ZNF488: variants seen among roughly 807,000 people sequenced by gnomAD.
ZNF488 encodes zinc finger protein 488.
ZNF488 carries 1 observed loss-of-function variant against 1.2 expected under a neutral mutation model. The ratio of observed to expected loss-of-function variants is 0.86; its 90% CI spans 0.30 to 4.07. The LOEUF is 4.07. Among genes scored for constraint, ZNF488 ranks in the 30% most tolerant of loss-of-function variants. The pLI is 0.18. For missense variants in ZNF488, 450 were observed against 437.9 expected, an observed-to-expected ratio of 1.03 and a Z score of -0.25; for synonymous variants, 185 against 190.1, an observed-to-expected ratio of 0.97 and a Z score of 0.22.
chr10:47,370,945 C>T (rs953799983), intron 1 of ZNF488, among the ~76,000 whole-genome samples: 3 of 152,196 alleles, frequency 2.0e-5, no homozygotes, highest in African/African-American at 4.8e-5. Context: ...ATGCAGCATG[C>T]GGGCCCTGTG....
At chr10:47,374,213 C>A (rs1315622900) in intron 1 of ZNF488, among the ~76,000 whole-genome samples, 2 of 152,300 alleles carry the variant, frequency 1.3e-5, no homozygotes, top group East Asian at 1.9e-4. Context: ...CGAGTGACAT[C>A]TTTATGTGGC....
intron 1 of ZNF488, among the ~76,000 whole-genome samples, chr10:47,380,566 C>T (rs183740885): frequency 1.3e-3 from 193 of 152,290 alleles, no homozygotes; most frequent in Non-Finnish European, 6.8e-4. Context: ...GATGAAGCCT[C>T]GCCCACCCCA....
At chr10:47,370,295 A>C (rs1248272837) in intron 1 of ZNF488, among the ~76,000 whole-genome samples, 3 of 152,236 alleles carry the variant, frequency 2.0e-5, no homozygotes, top group Admixed American at 2.0e-4. Context: ...TTGCTTTCCA[A>C]CTCTGATGTA....
chr10:47,374,630 TC>T (rs1837607452), intron 1 of ZNF488, among the ~76,000 whole-genome samples: 1 of 152,118 alleles, frequency 6.6e-6, no homozygotes, highest in Admixed American at 6.5e-5. Context: ...TTGGGAGCTC[TC>T]CAAGGGTCAG....
At chr10:47,380,752 C>T (rs1053093454) in intron 1 of ZNF488, among the ~76,000 whole-genome samples, 9 of 17,364 alleles carry the variant, frequency 5.2e-4, no homozygotes, top group Admixed American at 2.0e-3. Context: ...ACGGGCTCCA[C>T]GGTTGGAGGC....
rs782540204 is a variant in ZNF488, at chr10:47,367,858, C to G, written c.972G>C (p.Glu324Asp). 6.2e-7 allele frequency: 1 copy of G among 1,613,766 alleles called. No individual in the cohort carries two copies. Among genetic ancestry groups the G allele is most frequent in the Non-Finnish European group, 8.5e-7 (1 of 1,180,010 alleles). The change falls in exon 2 of 2, where the codon GAG (glutamate) becomes GAC (aspartate). Residue 324 changes from glutamate to aspartate, a missense_variant. Physicochemically the swap from Glu to Asp is conservative, Grantham distance 45. Transcript: ENST00000585316. ...EEALACPVCQ[E>D]HFRERHHLSR... Reference sequence around the variant, plus strand: ...AGAGGTGGTGGCGCTCCCGGAAGTGCTCCTGGCACACAGGGCAGGCAAGGG... The same window carrying G: ...AGAGGTGGTGGCGCTCCCGGAAGTGGTCCTGGCACACAGGGCAGGCAAGGG...
chr10:47,369,657 G>T (rs574191027), intron 1 of ZNF488, among the ~76,000 whole-genome samples: 1 of 152,136 alleles, frequency 6.6e-6, no homozygotes, highest in Non-Finnish European at 1.5e-5. Context: ...TGAGAGTCAA[G>T]TGTCCCCACT....
In ZNF488 at chr10:47,367,160, G is replaced by C. The variant is rs1837249164; in HGVS notation, c.*647C>G. On this transcript the variant is annotated 3_prime_UTR_variant, in exon 2 of 2. Coordinates refer to ENST00000585316, the MANE Select transcript of ZNF488 (RefSeq NM_153034.4). ...ACCAGCCGAAGAAGAAAACGAATATGACTTGATCAAATCTGAGACTTGCTG... is the reference window on the plus strand; with the variant it reads ...ACCAGCCGAAGAAGAAAACGAATATCACTTGATCAAATCTGAGACTTGCTG... 6.0e-6 allele frequency: 1 copy of C among 167,236 alleles called. No homozygotes were observed. Among genetic ancestry groups the C allele is most frequent in the African/African-American group, 2.4e-5 (1 of 41,454 alleles). 10.4% of individuals were successfully genotyped at this position (167,236 alleles called of 1,614,324 possible).
chr10:47,378,899 G>T (rs1268035937), intron 1 of ZNF488, among the ~76,000 whole-genome samples: 2 of 152,178 alleles, frequency 1.3e-5, no homozygotes, highest in African/African-American at 4.8e-5. Flanking sequence ...CTCAGAGGGG[G>T]TGCCTGACGT....
In ZNF488 at chr10:47,368,267, G is replaced by A; in HGVS notation, c.563C>T (p.Ala188Val). ...SVFPAGESAD[A>V]LGELSGLLNT... is the part of the protein sequence containing the mutation. ...GAGGAGTCCAGACAGCTCCCCCAGG[G>A]CATCTGCAGATTCCCCTGCAGGGAA... The change falls in exon 2 of 2, where the codon GCC becomes GTC. Residue 188 changes from alanine to valine, a missense_variant. By Grantham distance (64) the Ala-to-Val change is moderately conservative. Coordinates refer to ENST00000585316, the MANE Select transcript of ZNF488 (RefSeq NM_153034.4). The A allele has an allele frequency of 1.2e-6, 2 of 1,614,216 alleles. No homozygotes were observed. Among genetic ancestry groups the A allele is most frequent in the Non-Finnish European group, 1.7e-6 (2 of 1,180,040 alleles).
chr10:47,383,201 T>C (rs1555215756), intron 1 of ZNF488, among the ~76,000 whole-genome samples: 1 of 151,116 alleles, frequency 6.6e-6, no homozygotes, highest in Non-Finnish European at 1.5e-5. Context: ...CTAATGTACA[T>C]AAAATCATTA....
At position 47,367,625 on chromosome 10, in the gene ZNF488, T is replaced by C; in HGVS notation, c.*182A>G. ...CCCATCACTTTATTTCAGGACTTCA[T>C]TTCCTTCAAAACACATCATGCAGGT... On this transcript the variant is annotated 3_prime_UTR_variant, in exon 2 of 2. Transcript: ENST00000585316. 4.1e-6 allele frequency: 3 copies of C among 723,472 alleles called. No individual in the cohort carries two copies. The highest frequency in any genetic ancestry group is 6.8e-6 in the Non-Finnish European group (3 of 441,642). 44.8% of individuals were successfully genotyped at this position (723,472 alleles called of 1,614,324 possible). A position where few individuals can be genotyped will look rare whatever the true frequency, so the allele number is the denominator to read the frequency against.
intron 1 of ZNF488, 26 bp from the exon 2 acceptor site, chr10:47,368,963 G>A: frequency 9.5e-7 from 1 of 1,047,862 alleles, no homozygotes; most frequent in South Asian, 1.6e-5. Flanking sequence ...GCGACAGGCA[G>A]TGAGATGGGC....
intron 1 of ZNF488, among the ~76,000 whole-genome samples, chr10:47,370,943 T>C (rs61605159): frequency 0.093 from 14,226 of 152,266 alleles, 713 homozygotes; most frequent in South Asian, 0.12. Flanking sequence ...GCATGCAGCA[T>C]GCGGGCCCTG....
chr10:47,368,531 C>T lies in ZNF488; in HGVS notation c.299G>A (p.Ser100Asn). 1.9e-6 allele frequency: 3 copies of T among 1,613,614 alleles called. No individual in the cohort carries two copies. Among genetic ancestry groups the T allele is most frequent in the Non-Finnish European group, 2.5e-6 (3 of 1,179,970 alleles). ...PPKTRGEQRQ[S>N]AFTELPRMKD... ...CATCCTCGGCAGCTCCGTGAAGGCG[C>T]TCTGCCTCTGCTCTCCACGTGTCTT... is the stretch of plus-strand genomic sequence containing the variant. Residue 100 changes from serine to asparagine, a missense_variant, in exon 2 of 2, where the codon AGC (serine) becomes AAC (asparagine). Physicochemically the swap from Ser to Asn is conservative, Grantham distance 46. Transcript: ENST00000585316.
At position 47,369,978 on chromosome 10, in the gene ZNF488, C is replaced by CTGAA. The variant is rs147995346; in HGVS notation, c.-108-1045_-108-1042dup. Among the ~76,000 whole-genome samples, 1,384 of 152,250 alleles carry CTGAA rather than the reference C, an allele frequency of 9.1e-3. 20 individuals are homozygous for CTGAA. The highest frequency in any genetic ancestry group is 0.03 in the African/African-American group (1,231 of 41,530). ...AGGACAGGAGCTCAGGAAGCCTTTG[C>CTGAA]TGAATGAATGAATGAATGAATGAAT... is the stretch of plus-strand genomic sequence containing the variant. On this transcript the variant is annotated intron_variant, in intron 1 of 1. Coordinates refer to ENST00000585316, the MANE Select transcript of ZNF488 (RefSeq NM_153034.4).
Position 47,368,456 on chromosome 10 carries a change from G to C in ZNF488, c.374C>G (p.Pro125Arg). ...AQAQEREHDDPTGQPGAPQLT... is the reference protein window; with the variant it reads ...AQAQEREHDDRTGQPGAPQLT... ...CTGTGGGGCACCAGGTTGGCCTGTG[G>C]GGTCATCGTGCTCCCTCTCCTGGGC... The change falls in exon 2 of 2, where the codon CCC becomes CGC. Residue 125 changes from proline (P) to arginine (R), a missense_variant. By Grantham distance (103) the Pro-to-Arg change is moderately radical. Coordinates refer to ENST00000585316, the MANE Select transcript of ZNF488 (RefSeq NM_153034.4). 2 of 1,614,016 alleles carry C rather than the reference G, an allele frequency of 1.2e-6. No individual in the cohort carries two copies. The highest frequency in any genetic ancestry group is 1.7e-5 in the Admixed American group (1 of 60,014).
rs565540341 is a variant in ZNF488, at chr10:47,367,206, C to T, written c.*601G>A. 1 of 167,464 alleles carries T rather than the reference C, an allele frequency of 6.0e-6. No individual in the cohort carries two copies. Among genetic ancestry groups the T allele is most frequent in the Non-Finnish European group, 1.5e-5 (1 of 68,314 alleles). The allele number at this position is 167,464 out of a possible 1,614,324, so 10.4% of individuals were successfully genotyped here. A position where few individuals can be genotyped will look rare whatever the true frequency, so the allele number is the denominator to read the frequency against. On this transcript the variant is annotated 3_prime_UTR_variant, in exon 2 of 2. Transcript: ENST00000585316. Reference sequence around the variant, plus strand: ...TGCTGCCAAGCCCAGCCAAGCTCAGCTTAACCTGAGCCAACCCACAGACTC... The same window carrying T: ...TGCTGCCAAGCCCAGCCAAGCTCAGTTTAACCTGAGCCAACCCACAGACTC...
intron 1 of ZNF488, among the ~76,000 whole-genome samples, chr10:47,377,666 AACAATCAC>A (rs1837735070): frequency 1.3e-5 from 1 of 77,680 alleles, no homozygotes; most frequent in African/African-American, 4.8e-5. Flanking sequence ...AGCCAGCAAT[AACAATCAC>A]ACACACACAC....
Sources: allele counts gnomAD v4.1 joint callset (sites outside exome capture counted in the v4.1 genomes callset), GRCh38; gene constraint gnomAD v4.1.1; transcripts MANE v1.5; gene names NCBI Gene and HGNC (gene_info 2026-07-23, HGNC 2026-07-21).